The following AFAP1L2 variants were observed in gnomAD, a reference collection of about 807,000 sequenced individuals.
AFAP1L2 encodes actin filament-associated protein 1-like 2.
Under a neutral mutation model 99.3 loss-of-function variants are expected in AFAP1L2, and 46 were observed. The observed-to-expected ratio is 0.46, with a 90% CI of 0.37 to 0.59. The LOEUF is 0.59. Ranked by LOEUF, AFAP1L2 falls within the 20% of genes least tolerant of loss-of-function variation. The pLI is 0.00. For missense variants in AFAP1L2, 959 were observed against 1,034.9 expected, an observed-to-expected ratio of 0.93 and a Z score of 1.01; for synonymous variants, 397 against 419.1, an observed-to-expected ratio of 0.95 and a Z score of 0.64.
intron 1 of AFAP1L2, chr10:114,362,982 T>C: frequency 1.0e-6 from 1 of 985,346 alleles, no homozygotes; most frequent in Non-Finnish European, 1.2e-6. Flanking sequence ...GGGAATTCCC[T>C]GGTGGCAGCC....
At chr10:114,327,054 G>A (rs1360837401) in intron 4 of AFAP1L2, among the ~76,000 whole-genome samples, 2 of 148,458 alleles carry the variant, frequency 1.3e-5, no homozygotes, top group East Asian at 4.1e-4. Context: ...GAGCTTCAAG[G>A]AGACAGATCC....
chr10:114,342,656 G>C (rs2048984684), intron 1 of AFAP1L2, among the ~76,000 whole-genome samples: 1 of 152,232 alleles, frequency 6.6e-6, no homozygotes. Flanking sequence ...CATGAGCCGA[G>C]GAACACAGGT....
chr10:114,299,178 T>G (rs1050449527), intron 16 of AFAP1L2, 82 bp downstream of exon 16: 2 of 1,544,644 alleles, frequency 1.3e-6, no homozygotes, highest in Non-Finnish European at 1.8e-6. Flanking sequence ...GAAGGTGTGG[T>G]GACAGCCAGA....
At chr10:114,398,865 C>G (rs1254533460) in intron 1 of AFAP1L2, 1 of 1,304,300 alleles carries the variant, frequency 7.7e-7, no homozygotes, top group East Asian at 5.5e-5. Flanking sequence ...AGAAACCTGC[C>G]GGATCCTTCT....
intron 9 of AFAP1L2, 92 bp from the exon 10 acceptor site, chr10:114,308,001 C>T: frequency 1.0e-6 from 1 of 1,004,566 alleles, no homozygotes; most frequent in East Asian, 2.4e-5. Context: ...CATTTCCACT[C>T]CATCCACCCA....
At chr10:114,337,616 C>G (rs1056049075) in intron 2 of AFAP1L2, among the ~76,000 whole-genome samples, 2 of 152,136 alleles carry the variant, frequency 1.3e-5, no homozygotes, top group African/African-American at 4.8e-5. Context: ...GAAGGCCTGA[C>G]TTTATAAGAG....
chr10:114,324,434 CAG>C (rs2045926477), intron 4 of AFAP1L2, among the ~76,000 whole-genome samples: 1 of 135,126 alleles, frequency 7.4e-6, no homozygotes, highest in East Asian at 2.1e-4. Context: ...GTATTTTTAG[CAG>C]AGATGGGGTT....
At chr10:114,292,320 T>C (rs1027775515), downstream of AFAP1L2, among the ~76,000 whole-genome samples, 4 of 151,928 alleles carry the variant, frequency 2.6e-5, no homozygotes, top group African/African-American at 7.3e-5. Context: ...TTGTGGCGTG[T>C]TTATGGAATT....
chr10:114,322,362 C>T (rs972160743), intron 5 of AFAP1L2, among the ~76,000 whole-genome samples: 10 of 152,182 alleles, frequency 6.6e-5, no homozygotes, highest in South Asian at 6.2e-4. Flanking sequence ...GCCCCATCTG[C>T]GTCCCCACCT....
rs1283409588 is a variant in AFAP1L2, at chr10:114,295,614, G to GAGAT, written c.*424_*427dup. On this transcript the variant is annotated 3_prime_UTR_variant, in exon 19 of 19. Coordinates refer to ENST00000304129, the MANE Select transcript of AFAP1L2 (RefSeq NM_001001936.3). ...TCCCCAACTGCTAAGTATTGGATAA[G>GAGAT]AGATGATGGCCAGGAGTTTAGGTCT... 1.0e-6 allele frequency: 1 copy of GAGAT among 997,232 alleles called. No homozygotes were observed. Among genetic ancestry groups the GAGAT allele is most frequent in the African/African-American group, 1.7e-5 (1 of 57,382 alleles). 61.8% of individuals were successfully genotyped at this position (997,232 alleles called of 1,614,324 possible).
intron 7 of AFAP1L2, among the ~76,000 whole-genome samples, chr10:114,313,146 A>G (rs545963205): frequency 1.4e-4 from 22 of 152,052 alleles, no homozygotes; most frequent in African/African-American, 4.1e-4. Context: ...GAGGGGCAGC[A>G]GGAAGGAGGG....
At position 114,364,337 on chromosome 10, in the gene AFAP1L2, C is replaced by T. The variant is rs574665987; in HGVS notation, c.17-23606G>A. On this transcript the variant is annotated intron_variant, in intron 1 of 18. Coordinates refer to ENST00000304129, the MANE Select transcript of AFAP1L2 (RefSeq NM_001001936.3). ...AAAACAACAGATGTTTATTCTCTCG[C>T]GGTTCTGGAGGCTGGAAGTCCAAAA... Among the ~76,000 whole-genome samples, 8 of 152,304 alleles carry T rather than the reference C, an allele frequency of 5.3e-5. No individual in the cohort carries two copies. In the South Asian group the frequency reaches 6.2e-4, roughly 12 times the overall value.
the AFAP1L2 span, chr10:114,284,942 G>A: frequency 1.4e-5 from 23 of 1,602,460 alleles, no homozygotes; most frequent in African/African-American, 5.4e-5. Context: ...GCCTCTGCCC[G>A]CTGGCCTTTG....
chr10:114,339,233 C>T (rs1291478384), intron 2 of AFAP1L2, among the ~76,000 whole-genome samples: 3 of 151,478 alleles, frequency 2.0e-5, no homozygotes, highest in East Asian at 2.0e-4. Context: ...CCGAGGCGGG[C>T]GGATCACGAG....
At chr10:114,308,367 G>T in intron 9 of AFAP1L2, 66 bp downstream of exon 9, 1 of 1,430,274 alleles carries the variant, frequency 7.0e-7, no homozygotes, top group Non-Finnish European at 9.8e-7. Context: ...AACCCATCAG[G>T]GTTGAGCCTG....
chr10:114,308,381 G>C, intron 9 of AFAP1L2, 52 bp downstream of exon 9: 1 of 1,516,674 alleles, frequency 6.6e-7, no homozygotes, highest in Non-Finnish European at 9.2e-7. Flanking sequence ...GAGCCTGACA[G>C]CCCAGCCTCA....
chr10:114,312,504 C>T (rs2043413675), intron 7 of AFAP1L2, among the ~76,000 whole-genome samples: 1 of 152,148 alleles, frequency 6.6e-6, no homozygotes, highest in South Asian at 2.1e-4. Context: ...GGACAAGCCC[C>T]CCATTCCCTC....
At chr10:114,284,922 G>A in the AFAP1L2 span, 40 of 1,605,242 alleles carry the variant, frequency 2.5e-5, no homozygotes, top group Middle Eastern at 1.7e-4. Flanking sequence ...AGGACTGGAC[G>A]GCTACCAGTG....
At chr10:114,352,819 C>T (rs974347808) in intron 1 of AFAP1L2, among the ~76,000 whole-genome samples, 11 of 152,190 alleles carry the variant, frequency 7.2e-5, no homozygotes, top group Admixed American at 2.0e-4. Context: ...TCCACTGCTC[C>T]GACAGCCACA....
Sources: allele counts gnomAD v4.1 joint callset (sites outside exome capture counted in the v4.1 genomes callset), GRCh38; gene constraint gnomAD v4.1.1; transcripts MANE v1.5; gene names NCBI Gene and HGNC (gene_info 2026-07-23, HGNC 2026-07-21).